Variants in TCF20 observed in about 807,000 individuals in gnomAD.
TCF20 encodes transcription factor 20, also known as SPRE-binding protein.
A neutral mutation model predicts 148.6 loss-of-function variants in TCF20; 3 were observed. The observed-to-expected ratio is 0.02, with a 90% CI of 0.01 to 0.05. The LOEUF (loss-of-function observed/expected upper bound fraction) is 0.05. Ranked by LOEUF, TCF20 falls within the 10% of genes least tolerant of loss-of-function variation. TCF20 has a pLI of 1.00. For synonymous variants in TCF20, 1,049 were observed against 909.5 expected (o/e 1.15, Z -2.76); for missense variants, 2,350 against 2,429.3 (o/e 0.97, Z 0.69).
At chr22:42,193,069 T>C (rs756311059) in intron 2 of TCF20, among the ~76,000 whole-genome samples, 6 of 152,138 alleles carry the variant, frequency 3.9e-5, no homozygotes, top group African/African-American at 1.2e-4. Flanking sequence ...TTCATAGATA[T>C]GGAAATTTTC....
intron 2 of TCF20, among the ~76,000 whole-genome samples, chr22:42,201,408 C>T (rs1453907527): frequency 1.3e-5 from 2 of 152,172 alleles, no homozygotes; most frequent in African/African-American, 4.8e-5. Flanking sequence ...GGATACACCA[C>T]ACAAACTCAG....
At chr22:42,180,008 C>G (rs971516206) in intron 2 of TCF20, among the ~76,000 whole-genome samples, 4 of 152,086 alleles carry the variant, frequency 2.6e-5, no homozygotes, top group Admixed American at 2.6e-4. Context: ...GCCTCTGGTA[C>G]CCCCGCCATC....
At chr22:42,257,461 C>A (rs188948829) in intron 1 of TCF20, among the ~76,000 whole-genome samples, 1 of 152,052 alleles carries the variant, frequency 6.6e-6, no homozygotes, top group Non-Finnish European at 1.5e-5. Context: ...TACAAATTTG[C>A]GATGAAACAG....
At chr22:42,242,202 CAAAAAAAAAAAAAA>C (rs151190006) in intron 1 of TCF20, among the ~76,000 whole-genome samples, 6 of 59,814 alleles carry the variant, frequency 1.0e-4, no homozygotes, top group Admixed American at 4.4e-4. Context: ...GACTTCGCCT[CAAAAAAAAAAAAAA>C]AAAAAAAAAA....
chr22:42,286,398 A>G (rs1459798929), upstream of TCF20, among the ~76,000 whole-genome samples: 1 of 152,192 alleles, frequency 6.6e-6, no homozygotes, highest in East Asian at 1.9e-4. Flanking sequence ...TGGCTCCACC[A>G]CTTCCTTCCT....
At chr22:42,286,838 G>A (rs886128713), upstream of TCF20, among the ~76,000 whole-genome samples, 4 of 152,182 alleles carry the variant, frequency 2.6e-5, no homozygotes, top group Non-Finnish European at 4.4e-5. Context: ...CAGGCACTTC[G>A]TAGATAAGGA....
chr22:42,171,541 C>T (rs966816269), intron 3 of TCF20, among the ~76,000 whole-genome samples: 8 of 152,186 alleles, frequency 5.3e-5, no homozygotes, highest in African/African-American at 1.9e-4. Context: ...GCCTTCTTGG[C>T]TCCGTGGGCC....
At chr22:42,244,393 T>A (rs1232261238) in intron 1 of TCF20, among the ~76,000 whole-genome samples, 2 of 152,142 alleles carry the variant, frequency 1.3e-5, no homozygotes, top group Non-Finnish European at 2.9e-5. Flanking sequence ...GAAATGTCCA[T>A]CAACAGATGA....
At chr22:42,185,235 C>A (rs1054564120) in intron 2 of TCF20, among the ~76,000 whole-genome samples, 3 of 152,206 alleles carry the variant, frequency 2.0e-5, no homozygotes, top group African/African-American at 7.2e-5. Context: ...CACTACTGTG[C>A]CTAAGACGGC....
chr22:42,215,319 A>ACAG lies in TCF20; in HGVS notation c.-17_-15dup, dbSNP rs771501357. 1.3e-6 allele frequency: 2 copies of ACAG among 1,596,388 alleles called. No homozygotes were observed. Among genetic ancestry groups the ACAG allele is most frequent in the Non-Finnish European group, 1.7e-6 (2 of 1,168,684 alleles). ...AAAGGACTGCATACTGTTCAGCAGC[A>ACAG]CAGCAGCAGGCCAACAGCCCTCCTA... On this transcript the variant is annotated 5_prime_UTR_variant, in exon 2 of 6. Transcript: ENST00000677622.
At chr22:42,322,307 G>C (rs1233666386) in intron 1 of TCF20, among the ~76,000 whole-genome samples, 1 of 151,862 alleles carries the variant, frequency 6.6e-6, no homozygotes, top group East Asian at 1.9e-4. Context: ...GAGGACCCTG[G>C]GGAGTGAGCC....
At position 42,210,703 on chromosome 22, in the gene TCF20, G is replaced by A; in HGVS notation, c.4603C>T (p.Pro1535Ser). The change falls in exon 2 of 6, where the codon CCA becomes TCA. Residue 1535 changes from proline to serine, a missense_variant. Coordinates refer to ENST00000677622, the MANE Select transcript of TCF20 (RefSeq NM_001378418.1). This position sits in a 1 kb window ranked among gnomAD's most constrained non-coding sequence, Gnocchi z 4.7. ...GGTCTCCCCTTCTTCTTTCCTGATG[G>A]GAAATATCCCTTTGGAGGGAAACCC... ...QEGFPPKGYF[P>S]SGKKKGRPIG... 7.4e-6 allele frequency: 12 copies of A among 1,614,190 alleles called. No individual in the cohort carries two copies. Among genetic ancestry groups the A allele is most frequent in the Non-Finnish European group, 1.0e-5 (12 of 1,180,042 alleles).
intron 5 of TCF20, among the ~76,000 whole-genome samples, chr22:42,167,505 G>A (rs1255237490): frequency 6.6e-6 from 1 of 150,966 alleles, no homozygotes; most frequent in Non-Finnish European, 1.5e-5. Context: ...GTAGCAGCAA[G>A]TGCCACAAGG....
At chr22:42,188,206 A>G (rs1241624101) in intron 2 of TCF20, among the ~76,000 whole-genome samples, 2 of 142,060 alleles carry the variant, frequency 1.4e-5, no homozygotes, top group Admixed American at 7.5e-5. Context: ...AGGCAGGAGA[A>G]TCGTTTGAAC....
At chr22:42,260,884 T>A (rs77345198) in intron 1 of TCF20, among the ~76,000 whole-genome samples, 2,631 of 152,322 alleles carry the variant, frequency 0.017, 85 homozygotes, top group African/African-American at 0.06. Flanking sequence ...GGGTTGTTTT[T>A]GGCTGCAGGT....
intron 3 of TCF20, among the ~76,000 whole-genome samples, chr22:42,178,961 C>T (rs755166016): frequency 2.0e-5 from 3 of 150,450 alleles, no homozygotes; most frequent in East Asian, 3.9e-4. Flanking sequence ...AAAAAATGCT[C>T]GACATTAGCC....
intron 1 of TCF20, among the ~76,000 whole-genome samples, chr22:42,309,783 G>T (rs1927500489): frequency 6.6e-6 from 1 of 152,244 alleles, no homozygotes; most frequent in Admixed American, 6.5e-5. Context: ...TCACCTCTCT[G>T]AGCCTTGCTG....
chr22:42,281,932 C>T (rs886211989), intron 1 of TCF20, among the ~76,000 whole-genome samples: 2 of 152,214 alleles, frequency 1.3e-5, no homozygotes, highest in Admixed American at 6.5e-5. Context: ...CCAGGCTCTG[C>T]ACCCAAAGGC....
intron 1 of TCF20, among the ~76,000 whole-genome samples, chr22:42,307,038 TAAAAA>T (rs5845532): frequency 1.1e-5 from 1 of 92,762 alleles, no homozygotes; most frequent in Non-Finnish European, 2.1e-5. Context: ...GACTCTGTCT[TAAAAA>T]AAAAAAAAAA....
Sources: gnomAD v4.1 joint callset for allele counts (sites outside exome capture counted in the v4.1 genomes callset) on GRCh38, gnomAD v4.1.1 for gene constraint, Gnocchi (gnomAD v3.1) non-coding constraint, MANE v1.5 for transcripts, NCBI Gene and HGNC (gene_info 2026-07-23, HGNC 2026-07-21) for gene names.